Variants in SORCS1 observed in about 807,000 individuals in gnomAD.
The protein encoded by SORCS1 is sortilin related VPS10 domain containing receptor 1, also known as VPS10 domain-containing receptor SorCS1.
SORCS1 carries 60 observed loss-of-function variants against 146.1 expected under a neutral mutation model. That is an observed-to-expected ratio of 0.41 (90% CI 0.33 to 0.51). The LOEUF is 0.51. Among genes scored for constraint, SORCS1 ranks in the 20% least tolerant of loss-of-function variants. SORCS1 has a pLI of 0.21. For synonymous variants in SORCS1, 637 were observed against 584.0 expected, an observed-to-expected ratio of 1.09 and a Z score of -1.31; for missense variants, 1,352 against 1,487.6, an observed-to-expected ratio of 0.91 and a Z score of 1.50.
chr10:106,611,050 A>G (rs2133412051), intron 22 of SORCS1, among the ~76,000 whole-genome samples: 1 of 152,304 alleles, frequency 6.6e-6, no homozygotes. Flanking sequence ...ACTGCACTCC[A>G]GCCTGGGTGA....
intron 8 of SORCS1, among the ~76,000 whole-genome samples, chr10:106,701,467 G>A (rs1158277977): frequency 6.6e-6 from 1 of 152,164 alleles, no homozygotes; most frequent in Non-Finnish European, 1.5e-5. Flanking sequence ...AGTTATTAGG[G>A]AGAGACAAAA....
intron 19 of SORCS1, among the ~76,000 whole-genome samples, chr10:106,628,730 C>G (rs1001450669): frequency 6.6e-6 from 1 of 151,988 alleles, no homozygotes; most frequent in African/African-American, 2.4e-5. Context: ...GAGCAAAACC[C>G]TAAAAGGATT....
chr10:106,709,820 AATT>A (rs1480456433), intron 6 of SORCS1, among the ~76,000 whole-genome samples: 3 of 152,022 alleles, frequency 2.0e-5, no homozygotes, highest in Admixed American at 1.3e-4. Context: ...TTATTATTTA[AATT>A]ATTATCATTA....
intron 1 of SORCS1, among the ~76,000 whole-genome samples, chr10:107,099,115 C>T (rs1964740938): frequency 6.6e-6 from 1 of 152,202 alleles, no homozygotes; most frequent in Non-Finnish European, 1.5e-5. Context: ...CAAAATTCTA[C>T]AGCGCTCCAG....
intron 3 of SORCS1, among the ~76,000 whole-genome samples, chr10:106,794,703 C>A (rs1276780171): frequency 6.6e-6 from 1 of 152,010 alleles, no homozygotes; most frequent in Non-Finnish European, 1.5e-5. Flanking sequence ...CGGGTTTTCA[C>A]CGTGTTAGCC....
chr10:106,593,816 C>T (rs1299052267), intron 24 of SORCS1, among the ~76,000 whole-genome samples: 1 of 152,170 alleles, frequency 6.6e-6, no homozygotes, highest in East Asian at 1.9e-4. Context: ...GTTACACATA[C>T]CTATACTGCA....
intron 1 of SORCS1, among the ~76,000 whole-genome samples, chr10:107,006,748 C>T (rs913060022): frequency 2.6e-5 from 4 of 152,122 alleles, no homozygotes; most frequent in Non-Finnish European, 4.4e-5. Context: ...ACCTGGGAGG[C>T]GGAGCTTGCA....
intron 1 of SORCS1, among the ~76,000 whole-genome samples, chr10:107,146,114 T>C (rs569953004): frequency 6.6e-6 from 1 of 152,292 alleles, no homozygotes; most frequent in South Asian, 2.1e-4. Flanking sequence ...AATGAGATTA[T>C]CCAGTTTCAG....
chr10:106,635,837 G>T (rs1848694845), intron 18 of SORCS1, among the ~76,000 whole-genome samples: 2 of 152,160 alleles, frequency 1.3e-5, no homozygotes, highest in Non-Finnish European at 2.9e-5. Flanking sequence ...GCGGCACTGA[G>T]TGACAGAAAG....
At chr10:107,050,054 GC>G (rs1362435156) in intron 1 of SORCS1, among the ~76,000 whole-genome samples, 1 of 152,086 alleles carries the variant, frequency 6.6e-6, no homozygotes, top group Non-Finnish European at 1.5e-5. Context: ...AAGGAATCTG[GC>G]CCACTAAAAC....
At chr10:107,117,524 C>A (rs188841519) in intron 1 of SORCS1, among the ~76,000 whole-genome samples, 1 of 152,238 alleles carries the variant, frequency 6.6e-6, no homozygotes, top group Admixed American at 6.5e-5. Flanking sequence ...GGGGTGAGAA[C>A]CCTGCAGAGT....
At chr10:106,994,006 A>T in intron 1 of SORCS1, among the ~76,000 whole-genome samples, 1 of 141,788 alleles carries the variant, frequency 7.1e-6, no homozygotes, top group East Asian at 2.3e-4. Context: ...GACTGCAGTG[A>T]GCCAAGGTTG....
At chr10:107,069,993 C>T (rs1305315347) in intron 1 of SORCS1, among the ~76,000 whole-genome samples, 3 of 152,306 alleles carry the variant, frequency 2.0e-5, no homozygotes, top group East Asian at 1.9e-4. Flanking sequence ...AATTCCCCAG[C>T]CCCTGAAAAC....
At position 106,579,264 on chromosome 10, in the gene SORCS1, T is replaced by C. The variant is rs750439082; in HGVS notation, c.3371+105A>G. The stretch of plus-strand genomic sequence containing the variant: ...CCCCGGGATCTTCCTAAAATATTAA[T>C]AGAAACCATCACTGCTATGCACATC... On this transcript the variant is annotated intron_variant, in intron 25 of 25. Transcript: ENST00000263054. 8 of 1,613,962 alleles carry C rather than the reference T, an allele frequency of 5.0e-6. No individual in the cohort carries two copies. The South Asian group carries it at 7.7e-5, about 16-fold the overall frequency.
At chr10:106,779,838 T>C (rs1407348024) in intron 3 of SORCS1, among the ~76,000 whole-genome samples, 1 of 152,160 alleles carries the variant, frequency 6.6e-6, no homozygotes, top group African/African-American at 2.4e-5. Flanking sequence ...TGCACACACG[T>C]TAACACACAT....
At chr10:107,022,246 T>C (rs1043095892) in intron 1 of SORCS1, among the ~76,000 whole-genome samples, 1 of 152,180 alleles carries the variant, frequency 6.6e-6, no homozygotes, top group Admixed American at 6.6e-5. Flanking sequence ...CAAAGAACTC[T>C]GGTGAAGGCC....
intron 1 of SORCS1, among the ~76,000 whole-genome samples, chr10:106,967,197 C>T (rs1408793568): frequency 6.6e-6 from 1 of 151,694 alleles, no homozygotes; most frequent in Non-Finnish European, 1.5e-5. Context: ...TGTCTTGTTT[C>T]CTCCCCTGCC....
chr10:106,771,960 G>A (rs1435330183), intron 4 of SORCS1, among the ~76,000 whole-genome samples: 5 of 152,180 alleles, frequency 3.3e-5, no homozygotes, highest in Non-Finnish European at 4.4e-5. Context: ...TGCCTGGATA[G>A]CCACATCCCC....
intron 1 of SORCS1, among the ~76,000 whole-genome samples, chr10:107,157,871 G>C (rs1016010013): frequency 2.0e-5 from 3 of 152,078 alleles, no homozygotes; most frequent in Non-Finnish European, 2.9e-5. Context: ...CATCCCCTTT[G>C]GCCACTGCAG....
Sources: gnomAD v4.1 joint callset for allele counts (sites outside exome capture counted in the v4.1 genomes callset) on GRCh38, gnomAD v4.1.1 for gene constraint, MANE v1.5 for transcripts, NCBI Gene and HGNC (gene_info 2026-07-23, HGNC 2026-07-21) for gene names.